Variants in ZBTB40 observed in about 807,000 individuals in gnomAD.
ZBTB40 encodes the protein zinc finger and BTB domain containing 40.
A neutral mutation model predicts 117.5 loss-of-function variants in ZBTB40; 60 were observed. The ratio of observed to expected loss-of-function variants is 0.51; its 90% CI spans 0.41 to 0.63. The LOEUF (loss-of-function observed/expected upper bound fraction) is 0.63, where lower values mean the gene tolerates loss of function less well. Ranked by LOEUF, ZBTB40 falls within the 30% of genes least tolerant of loss-of-function variation. The pLI is 0.00. For synonymous variants in ZBTB40, 525 were observed against 577.1 expected (o/e 0.91, Z 1.29); for missense variants, 1,287 against 1,498.5 (o/e 0.86, Z 2.33).
At chr1:22,447,053 T>C (rs1310109959), upstream of ZBTB40, among the ~76,000 whole-genome samples, 2 of 150,786 alleles carry the variant, frequency 1.3e-5, no homozygotes, top group Admixed American at 6.6e-5. Context: ...CAGTGAGCCA[T>C]GATAGTGTCA....
At chr1:22,436,860 T>C (rs1414540433) in intron 1 of ZBTB40, among the ~76,000 whole-genome samples, 1 of 152,138 alleles carries the variant, frequency 6.6e-6, no homozygotes, top group Non-Finnish European at 1.5e-5. Flanking sequence ...TTCTAAAATT[T>C]CATATCTAGA....
chr1:22,444,831 G>C (rs554431179), intron 1 of ZBTB40, among the ~76,000 whole-genome samples: 5 of 152,186 alleles, frequency 3.3e-5, no homozygotes, highest in Non-Finnish European at 7.4e-5. Flanking sequence ...CAAGTCACCC[G>C]CTTGGTCCTC....
intron 1 of ZBTB40, among the ~76,000 whole-genome samples, chr1:22,432,943 A>AC (rs1640616961): frequency 6.6e-6 from 1 of 152,246 alleles, no homozygotes; most frequent in Non-Finnish European, 1.5e-5. Flanking sequence ...AACAGAGATT[A>AC]TATAGCAGAC....
chr1:22,508,838 T>TA, intron 8 of ZBTB40, 107 bp downstream of exon 8: 1 of 1,231,436 alleles, frequency 8.1e-7, no homozygotes, highest in South Asian at 1.4e-5. Flanking sequence ...ACATCCCTAC[T>TA]ATTAGAAGTA....
intron 1 of ZBTB40, among the ~76,000 whole-genome samples, chr1:22,437,025 C>T (rs116837392): frequency 0.011 from 1,597 of 152,006 alleles, 14 homozygotes; most frequent in Non-Finnish European, 0.016. Flanking sequence ...AACTTTTGCA[C>T]GTGATGAAAA....
At chr1:22,506,612 C>T (rs1639082144) in intron 6 of ZBTB40, among the ~76,000 whole-genome samples, 1 of 152,136 alleles carries the variant, frequency 6.6e-6, no homozygotes, top group Non-Finnish European at 1.5e-5. Context: ...TCCATTGCCC[C>T]ATTTCCACTA....
intron 1 of ZBTB40, among the ~76,000 whole-genome samples, chr1:22,471,837 G>A (rs1641413095): frequency 6.6e-6 from 1 of 152,230 alleles, no homozygotes. Flanking sequence ...TGGAAGCTGG[G>A]ATACCACACA....
intron 3 of ZBTB40, among the ~76,000 whole-genome samples, 165 bp from the exon 4 acceptor site, chr1:22,501,327 G>T (rs1273170617): frequency 6.6e-6 from 1 of 152,218 alleles, no homozygotes; most frequent in African/African-American, 2.4e-5. Context: ...GCATGGGACC[G>T]CAGGGCTTGT....
intron 5 of ZBTB40, among the ~76,000 whole-genome samples, chr1:22,502,786 T>A (rs916032070): frequency 1.3e-5 from 2 of 152,318 alleles, no homozygotes; most frequent in East Asian, 3.9e-4. Context: ...ACTCAGTTTT[T>A]ACTGTAAACA....
At chr1:22,524,547 C>A in intron 17 of ZBTB40, 103 bp downstream of exon 17, 1 of 1,278,164 alleles carries the variant, frequency 7.8e-7, no homozygotes, top group Non-Finnish European at 1.1e-6. Context: ...CTTTGGGGAT[C>A]TTGTAGAGAG....
chr1:22,502,414 G>A lies in ZBTB40; in HGVS notation c.1140G>A (p.Glu380=), dbSNP rs2124444756. 6 of 1,614,074 alleles carry A rather than the reference G, an allele frequency of 3.7e-6. No individual in the cohort carries two copies. Among genetic ancestry groups the A allele is most frequent in the African/African-American group, 1.3e-5 (1 of 75,032 alleles). ...TGGAGTCCCTGGAAACAGCCAAGGA[G>A]GAATTCCTGACTGGCACTGAAAAAA... ...PIMESLETAK[E]EFLTGTEKRV... The change falls in exon 5 of 18, where the codon GAG becomes GAA. Residue 380 remains glutamate, a synonymous_variant. Coordinates refer to ENST00000375647, the MANE Select transcript of ZBTB40 (RefSeq NM_014870.4).
chr1:22,485,643 A>G (rs1638445039), intron 1 of ZBTB40, among the ~76,000 whole-genome samples: 1 of 152,148 alleles, frequency 6.6e-6, no homozygotes, highest in Non-Finnish European at 1.5e-5. Flanking sequence ...ATTGCATCAA[A>G]TATTGCTGCT....
Position 22,490,246 on chromosome 1 carries a change from C to G in ZBTB40, c.298C>G (p.Leu100Val). 6.2e-7 allele frequency: 1 copy of G among 1,614,216 alleles called. No individual in the cohort carries two copies. The highest frequency in any genetic ancestry group is 8.5e-7 in the Non-Finnish European group (1 of 1,180,038). The change falls in exon 2 of 18, where the codon CTA (leucine) becomes GTA (valine). Residue 100 changes from leucine to valine, a missense_variant. Physicochemically the swap from Leu to Val is conservative, Grantham distance 32 (BLOSUM62 1). Coordinates refer to ENST00000375647, the MANE Select transcript of ZBTB40 (RefSeq NM_014870.4). Reference sequence around the variant, plus strand: ...CAAAATCATCTCCTTAGCAGACAGTCTACAGATGTTTGATGTAGCTGTTAG... The same window carrying G: ...CAAAATCATCTCCTTAGCAGACAGTGTACAGATGTTTGATGTAGCTGTTAG... ...FSKIISLADS[L>V]QMFDVAVSCK...
At chr1:22,438,333 A>C (rs1640696057) in intron 1 of ZBTB40, among the ~76,000 whole-genome samples, 1 of 151,980 alleles carries the variant, frequency 6.6e-6, no homozygotes, top group Non-Finnish European at 1.5e-5. Flanking sequence ...TTTCATCCCC[A>C]TTGTAGCATA....
intron 1 of ZBTB40, among the ~76,000 whole-genome samples, chr1:22,477,535 G>T (rs1294730082): frequency 1.2e-4 from 18 of 151,944 alleles, no homozygotes. Context: ...TGTAGTCCCA[G>T]CTACTCAGGC....
rs57033042 is a variant in ZBTB40, at chr1:22,492,810, T to C, written c.831+1277T>C. Among the ~76,000 whole-genome samples, 874 of 152,366 alleles carry C rather than the reference T, an allele frequency of 5.7e-3. 6 individuals are homozygous for C. The highest frequency in any genetic ancestry group is 0.02 in the African/African-American group (844 of 41,592). ...GTTTCAAGTCATAAATCCTTGGTAC[T>C]CTTTGTACTGATTATGCTGAAGGAC... On this transcript the variant is annotated intron_variant, in intron 3 of 17. Coordinates refer to ENST00000375647, the MANE Select transcript of ZBTB40 (RefSeq NM_014870.4).
At position 22,491,640 on chromosome 1, in the gene ZBTB40, A is replaced by G. The variant is rs1159981538; in HGVS notation, c.831+107A>G. On this transcript the variant is annotated intron_variant, in intron 3 of 17. Coordinates refer to ENST00000375647, the MANE Select transcript of ZBTB40 (RefSeq NM_014870.4). ...TAGCCCAGGGTTTCAATGTTTTGAA[A>G]CTTTAATTTTTTTTTTTTTTTGGAC... The G allele has an allele frequency of 3.7e-6, 5 of 1,354,390 alleles. No individual in the cohort carries two copies. The African/African-American group carries it at 6.0e-5, about 16-fold the overall frequency. 83.9% of individuals were successfully genotyped at this position (1,354,390 alleles called of 1,614,324 possible). A position where few individuals can be genotyped will look rare whatever the true frequency, so the allele number is the denominator to read the frequency against.
At chr1:22,504,555 T>C (rs1415670090) in intron 5 of ZBTB40, among the ~76,000 whole-genome samples, 1 of 152,190 alleles carries the variant, frequency 6.6e-6, no homozygotes, top group African/African-American at 2.4e-5. Context: ...AGAATTAGAC[T>C]TCTAATCCAA....
At chr1:22,454,314 A>G (rs1267801329) in intron 1 of ZBTB40, among the ~76,000 whole-genome samples, 8 of 152,232 alleles carry the variant, frequency 5.3e-5, no homozygotes. Flanking sequence ...TGTGATTACC[A>G]GGGTGAGCAA....
Sources: allele counts gnomAD v4.1 joint callset (sites outside exome capture counted in the v4.1 genomes callset), GRCh38; gene constraint gnomAD v4.1.1; transcripts MANE v1.5; gene names NCBI Gene and HGNC (gene_info 2026-07-23, HGNC 2026-07-21).